The following JAK1 variants were observed in gnomAD, a reference collection of about 807,000 sequenced individuals.
JAK1 encodes the protein Janus kinase 1, also known as tyrosine-protein kinase JAK1.
In JAK1, 16 loss-of-function variants were observed where a neutral mutation model predicts 136.6. The observed-to-expected ratio is 0.12, with a 90% CI of 0.08 to 0.18. The LOEUF (loss-of-function observed/expected upper bound fraction) is 0.18, where lower values mean the gene tolerates loss of function less well. JAK1 is among the 10% of genes least tolerant of loss of function. The pLI is 1.00. For synonymous variants in JAK1, 492 were observed against 519.5 expected (o/e 0.95, Z 0.72); for missense variants, 859 against 1,450.1 (o/e 0.59, Z 6.62).
At chr1:64,841,962 T>C (rs535983272) in intron 17 of JAK1, among the ~76,000 whole-genome samples, 1 of 152,342 alleles carries the variant, frequency 6.6e-6, no homozygotes, top group African/African-American at 2.4e-5. Context: ...AAATCAGATA[T>C]GAACAAATAT....
chr1:64,982,612 G>A (rs779971497), intron 2 of JAK1, among the ~76,000 whole-genome samples: 2 of 152,190 alleles, frequency 1.3e-5, no homozygotes, highest in Non-Finnish European at 2.9e-5. Flanking sequence ...ATGACACCAA[G>A]TCCTGCTGGC....
At chr1:64,955,542 T>C (rs991454985) in intron 1 of JAK1, among the ~76,000 whole-genome samples, 1 of 151,896 alleles carries the variant, frequency 6.6e-6, no homozygotes, top group Non-Finnish European at 1.5e-5. Flanking sequence ...AATAGGAGAG[T>C]ATGCTAGAAA....
chr1:65,023,673 T>A (rs1472339823), intron 2 of JAK1, among the ~76,000 whole-genome samples: 1 of 152,096 alleles, frequency 6.6e-6, no homozygotes, highest in Non-Finnish European at 1.5e-5. Flanking sequence ...TTAGTAGAGA[T>A]GGGGTTTCAC....
At chr1:64,978,544 C>T (rs1301401499) in intron 2 of JAK1, among the ~76,000 whole-genome samples, 2 of 152,076 alleles carry the variant, frequency 1.3e-5, no homozygotes, top group African/African-American at 4.8e-5. Context: ...TAATGAATGT[C>T]CATATAGAAC....
At position 65,020,352 on chromosome 1, in the gene JAK1, C is replaced by A. The variant is rs553087134; in HGVS notation, c.-78+24128G>T. Among the ~76,000 whole-genome samples, 8 of 152,142 alleles carry A rather than the reference C, an allele frequency of 5.3e-5. No homozygotes were observed. In the East Asian group the frequency reaches 1.2e-3, roughly 22 times the overall value. On this transcript the variant is annotated intron_variant, in intron 2 of 25. Coordinates refer to the JAK1 transcript ENST00000671954. ...GCCTATGAGAACTCTCATCACCAATCCACATTATCACCAAAAGACTGTGAA... is the reference window on the plus strand; with the variant it reads ...GCCTATGAGAACTCTCATCACCAATACACATTATCACCAAAAGACTGTGAA...
At chr1:64,849,443 G>A (rs1051095481) in intron 12 of JAK1, among the ~76,000 whole-genome samples, 4 of 152,104 alleles carry the variant, frequency 2.6e-5, no homozygotes, top group Admixed American at 6.5e-5. Flanking sequence ...CGATCCTCCC[G>A]CCTTGGCCTC....
At chr1:65,029,624 A>G (rs1647006190) in intron 2 of JAK1, among the ~76,000 whole-genome samples, 1 of 152,256 alleles carries the variant, frequency 6.6e-6, no homozygotes, top group African/African-American at 2.4e-5. Flanking sequence ...AGTACTATGC[A>G]GCCATAAAAA....
intron 1 of JAK1, among the ~76,000 whole-genome samples, chr1:64,922,146 T>C (rs777045998): frequency 1.0e-4 from 14 of 135,224 alleles, no homozygotes; most frequent in Middle Eastern, 3.4e-3. Flanking sequence ...ATTGTTCTTA[T>C]GGAAAAAAAA....
At chr1:64,985,072 T>C in intron 2 of JAK1, 2 of 904,100 alleles carry the variant, frequency 2.2e-6, no homozygotes, top group Non-Finnish European at 3.8e-6. Flanking sequence ...CAAAAAGCCA[T>C]CCCTCCAAGG....
intron 1 of JAK1, among the ~76,000 whole-genome samples, chr1:64,932,278 T>C (rs1243220132): frequency 6.6e-6 from 1 of 152,150 alleles, no homozygotes; most frequent in Non-Finnish European, 1.5e-5. Flanking sequence ...CTGGGTGTGG[T>C]GGCACATGCC....
At chr1:65,052,149 C>T (rs1412678325) in intron 1 of JAK1, among the ~76,000 whole-genome samples, 1 of 124,888 alleles carries the variant, frequency 8.0e-6, no homozygotes, top group African/African-American at 3.1e-5. Flanking sequence ...TTGGTAGAGA[C>T]AGTCTCACTT....
rs372288263 is a variant in JAK1, at chr1:64,844,047, G to A, written c.2403+17C>T. The stretch of plus-strand genomic sequence containing the variant: ...AAAGCCCTCACTTGCCTCACGCCCC[G>A]GGAAACACCTGCTCACCTCAATCAG... On this transcript the variant is annotated intron_variant, in intron 17 of 24. Coordinates refer to ENST00000342505, the MANE Select transcript of JAK1 (RefSeq NM_002227.4). The surrounding 1 kb of genome is among the most constrained non-coding windows in gnomAD (Gnocchi z 5.7). 2.2e-5 allele frequency: 35 copies of A among 1,613,090 alleles called. No homozygotes were observed. Among genetic ancestry groups the A allele is most frequent in the East Asian group, 6.7e-5 (3 of 44,876 alleles).
chr1:64,873,355 G>C lies in JAK1; in HGVS notation c.483+15C>G, dbSNP rs185365352. ...TCCCACAAACTCCAGCTTCTCCTGG[G>C]CCCAAACTTCCTACCTGAGCAAACA... is the stretch of plus-strand genomic sequence containing the variant. On this transcript the variant is annotated intron_variant, in intron 5 of 24. Coordinates refer to ENST00000342505, the MANE Select transcript of JAK1 (RefSeq NM_002227.4). The C allele has an allele frequency of 1.2e-6, 2 of 1,613,898 alleles. No homozygotes were observed. The highest frequency in any genetic ancestry group is 2.7e-5 in the African/African-American group (2 of 74,996).
At chr1:64,951,478 C>T (rs560816977) in intron 1 of JAK1, among the ~76,000 whole-genome samples, 1 of 152,226 alleles carries the variant, frequency 6.6e-6, no homozygotes, top group Admixed American at 6.5e-5. Flanking sequence ...GGCAGTGGTT[C>T]AGTGTACAAA....
intron 2 of JAK1, among the ~76,000 whole-genome samples, chr1:65,021,122 G>A (rs1212572355): frequency 6.6e-6 from 1 of 152,158 alleles, no homozygotes; most frequent in African/African-American, 2.4e-5. Flanking sequence ...AGAATCTGTG[G>A]ATGCAATGCA....
chr1:64,983,436 A>G (rs762750268), intron 2 of JAK1, among the ~76,000 whole-genome samples: 31 of 152,264 alleles, frequency 2.0e-4, no homozygotes, highest in Admixed American at 5.2e-4. Context: ...AGCTGAGGCT[A>G]CAAATTCCAA....
At chr1:64,850,428 G>A (rs1425086138) in intron 12 of JAK1, among the ~76,000 whole-genome samples, 3 of 152,234 alleles carry the variant, frequency 2.0e-5, no homozygotes, top group Admixed American at 1.3e-4. Context: ...ATCAGAAAGT[G>A]CAGGACTGAA....
At chr1:64,864,233 G>C (rs1189636938) in intron 8 of JAK1, among the ~76,000 whole-genome samples, 2 of 152,216 alleles carry the variant, frequency 1.3e-5, no homozygotes, top group Non-Finnish European at 2.9e-5. Context: ...GACACAAACA[G>C]GTTTATTTTG....
chr1:64,897,331 G>A (rs921307481), intron 1 of JAK1, among the ~76,000 whole-genome samples: 11 of 151,288 alleles, frequency 7.3e-5, no homozygotes, highest in Non-Finnish European at 1.6e-4. Flanking sequence ...TTGGGAGGCT[G>A]AGGCAGGAGA....
Sources: gnomAD v4.1 joint callset for allele counts (sites outside exome capture counted in the v4.1 genomes callset) on GRCh38, gnomAD v4.1.1 for gene constraint, Gnocchi (gnomAD v3.1) non-coding constraint, MANE v1.5 for transcripts, NCBI Gene and HGNC (gene_info 2026-07-23, HGNC 2026-07-21) for gene names.